The following ZMAT3 variants were observed in gnomAD, a reference collection of about 807,000 sequenced individuals.
ZMAT3 encodes the protein zinc finger matrin-type 3.
ZMAT3 carries 17 observed loss-of-function variants against 32.3 expected under a neutral mutation model. The observed-to-expected ratio is 0.53, with a 90% CI of 0.36 to 0.79. ZMAT3 has a LOEUF of 0.79. ZMAT3 is among the 30% of genes least tolerant of loss of function. The pLI, the probability that ZMAT3 is intolerant of heterozygous loss-of-function variation, is 0.00. For synonymous variants in ZMAT3, 120 were observed against 133.1 expected (o/e 0.90, Z 0.68); for missense variants, 329 against 359.7 (o/e 0.91, Z 0.69).
intron 2 of ZMAT3, among the ~76,000 whole-genome samples, chr3:179,038,279 A>G (rs538503326): frequency 6.6e-6 from 1 of 152,296 alleles, no homozygotes; most frequent in South Asian, 2.1e-4. Flanking sequence ...TGTAGGTGGA[A>G]TTTAAAACCA....
intron 1 of ZMAT3, among the ~76,000 whole-genome samples, chr3:179,070,811 T>A (rs1721669295): frequency 6.6e-6 from 1 of 152,212 alleles, no homozygotes; most frequent in Non-Finnish European, 1.5e-5. Flanking sequence ...CTTCACAAGG[T>A]ACCCTGTTTA....
Position 179,046,925 on chromosome 3 carries a change from T to C in ZMAT3, c.271-15926A>G, listed in dbSNP as rs1001491065. Among the ~76,000 whole-genome samples, 1 of 152,178 alleles carries C rather than the reference T, an allele frequency of 6.6e-6. No homozygotes were observed. The highest frequency in any genetic ancestry group is 1.5e-5 in the Non-Finnish European group (1 of 68,020). ...CGATGGTCTTCTCTACCCACACTGG[T>C]GGCCGAAGACAAAGGACATAAGCTC... is the stretch of plus-strand genomic sequence containing the variant. On this transcript the variant is annotated intron_variant, in intron 2 of 5. Transcript: ENST00000311417. The surrounding 1 kb of genome is among the most constrained non-coding windows in gnomAD (Gnocchi z 4.3).
chr3:179,025,480 G>C (rs1718818382), intron 5 of ZMAT3, among the ~76,000 whole-genome samples: 1 of 152,170 alleles, frequency 6.6e-6, no homozygotes, highest in Non-Finnish European at 1.5e-5. Flanking sequence ...CCAAATGGCT[G>C]TGTCTCTAAA....
chr3:179,037,531 GGGCGGAGTGAGCTCGGTGGAATGA>G (rs1325898267), intron 2 of ZMAT3, among the ~76,000 whole-genome samples: 1 of 152,154 alleles, frequency 6.6e-6, no homozygotes, highest in Non-Finnish European at 1.5e-5. Context: ...CAGGCTGAGT[GGGCGGAGTGAGCTCGGTGGAATGA>G]GGCCCCAGGC....
At chr3:179,041,240 T>G (rs1323013720) in intron 2 of ZMAT3, among the ~76,000 whole-genome samples, 1 of 152,216 alleles carries the variant, frequency 6.6e-6, no homozygotes, top group African/African-American at 2.4e-5. Context: ...ACCTAATAGG[T>G]ATCTACAGAA....
chr3:179,035,608 G>T (rs1418290898), intron 2 of ZMAT3, among the ~76,000 whole-genome samples: 4 of 151,184 alleles, frequency 2.6e-5, no homozygotes, highest in Middle Eastern at 3.5e-3. Flanking sequence ...TTGTTGACTT[G>T]TTTTTTTTTC....
intron 2 of ZMAT3, among the ~76,000 whole-genome samples, chr3:179,042,226 G>C (rs969767195): frequency 6.6e-6 from 1 of 152,050 alleles, no homozygotes; most frequent in African/African-American, 2.4e-5. Context: ...CATTTTATGA[G>C]GCCAACATCA....
At chr3:179,028,456 G>C (rs1718999459) in intron 3 of ZMAT3, among the ~76,000 whole-genome samples, 1 of 152,194 alleles carries the variant, frequency 6.6e-6, no homozygotes, top group South Asian at 2.1e-4. Context: ...GGCCAGAAGA[G>C]AATAATATAG....
Position 179,049,744 on chromosome 3 carries a change from G to C in ZMAT3, c.270+17739C>G, listed in dbSNP as rs553494812. Among the ~76,000 whole-genome samples the C allele has an allele frequency of 5.6e-4, 85 of 152,264 alleles. 1 individual carries two copies. The highest frequency in any genetic ancestry group is 1.9e-3 in the African/African-American group (81 of 41,550). ...ATGGTTGCTCATGCCTGTAATCCCAGCACTTTGGGAGGCCAAGGCAGGCGG... is the reference window on the plus strand; with the variant it reads ...ATGGTTGCTCATGCCTGTAATCCCACCACTTTGGGAGGCCAAGGCAGGCGG... On this transcript the variant is annotated intron_variant, in intron 2 of 5. Coordinates refer to ENST00000311417, the MANE Select transcript of ZMAT3 (RefSeq NM_022470.4).
intron 2 of ZMAT3, among the ~76,000 whole-genome samples, chr3:179,044,359 T>C (rs1720113454): frequency 6.6e-6 from 1 of 152,224 alleles, no homozygotes; most frequent in Non-Finnish European, 1.5e-5. Context: ...GAAGAAAATG[T>C]GGTGGCCGGG....
intron 2 of ZMAT3, among the ~76,000 whole-genome samples, chr3:179,043,996 G>A (rs151116233): frequency 1.4e-4 from 22 of 152,258 alleles, no homozygotes; most frequent in African/African-American, 4.1e-4. Flanking sequence ...ATCATTCGTC[G>A]TCAGAGAAAT....
At chr3:179,069,734 T>A (rs530673171) in intron 1 of ZMAT3, among the ~76,000 whole-genome samples, 4 of 152,190 alleles carry the variant, frequency 2.6e-5, no homozygotes, top group Admixed American at 1.3e-4. Flanking sequence ...ATAATGTAGT[T>A]AAGGACAAAG....
intron 2 of ZMAT3, among the ~76,000 whole-genome samples, chr3:179,066,731 A>G (rs1400107401): frequency 9.2e-5 from 14 of 152,244 alleles, no homozygotes. Context: ...AAAAAGAAAT[A>G]TTGTACCGTC....
chr3:179,032,737 T>C (rs1719339002), intron 2 of ZMAT3, among the ~76,000 whole-genome samples: 2 of 146,914 alleles, frequency 1.4e-5, no homozygotes. Flanking sequence ...AGCCACCCTG[T>C]CTGAGAAGTG....
intron 1 of ZMAT3, among the ~76,000 whole-genome samples, chr3:179,071,053 G>A (rs980625873): frequency 3.9e-5 from 6 of 152,126 alleles, no homozygotes; most frequent in African/African-American, 1.4e-4. Flanking sequence ...TCAGAACGCA[G>A]CAAGAAGGAA....
Position 179,046,931 on chromosome 3 carries a change from A to AGAG in ZMAT3, c.271-15933_271-15932insCTC, listed in dbSNP as rs1295776621. Among the ~76,000 whole-genome samples the AGAG allele has an allele frequency of 6.6e-6, 1 of 152,158 alleles. No individual in the cohort carries two copies. The highest frequency in any genetic ancestry group is 1.5e-5 in the Non-Finnish European group (1 of 68,038). On this transcript the variant is annotated intron_variant, in intron 2 of 5. Transcript: ENST00000311417. The surrounding 1 kb of genome is among the most constrained non-coding windows in gnomAD (Gnocchi z 4.3). Reference sequence around the variant, plus strand: ...TCTTCTCTACCCACACTGGTGGCCGAAGACAAAGGACATAAGCTCTTGGGA... The same window carrying AGAG: ...TCTTCTCTACCCACACTGGTGGCCGAGAGAGACAAAGGACATAAGCTCTTGGGA...
chr3:179,033,506 T>A (rs1272296701), intron 2 of ZMAT3, among the ~76,000 whole-genome samples: 2 of 147,534 alleles, frequency 1.4e-5, no homozygotes, highest in African/African-American at 5.0e-5. Context: ...TAAAAAAATT[T>A]TAAAAAAAAG....
intron 2 of ZMAT3, among the ~76,000 whole-genome samples, chr3:179,044,725 T>C (rs1720136630): frequency 1.3e-5 from 2 of 152,144 alleles, no homozygotes; most frequent in Admixed American, 6.5e-5. Context: ...TTCATGTCCT[T>C]TGCAGGGACA....
chr3:179,062,954 C>T (rs1721225779), intron 2 of ZMAT3, among the ~76,000 whole-genome samples: 1 of 152,190 alleles, frequency 6.6e-6, no homozygotes, highest in Non-Finnish European at 1.5e-5. Flanking sequence ...CAATAGCAAC[C>T]TATTTCAATC....
Sources: gnomAD v4.1 joint callset for allele counts (sites outside exome capture counted in the v4.1 genomes callset) on GRCh38, gnomAD v4.1.1 for gene constraint, Gnocchi (gnomAD v3.1) non-coding constraint, MANE v1.5 for transcripts, NCBI Gene and HGNC (gene_info 2026-07-23, HGNC 2026-07-21) for gene names.